Variants in DCLK2 observed in about 807,000 individuals in gnomAD.
DCLK2 encodes doublecortin like kinase 2.
A neutral mutation model predicts 78.4 loss-of-function variants in DCLK2; 31 were observed. The observed-to-expected ratio is 0.40, with a 90% CI of 0.30 to 0.53. DCLK2 has a LOEUF of 0.53. DCLK2 is among the 20% of genes least tolerant of loss of function. DCLK2 has a pLI of 0.61. For synonymous variants in DCLK2, 407 were observed against 374.9 expected, an observed-to-expected ratio of 1.09 and a Z score of -0.99; for missense variants, 872 against 973.7, an observed-to-expected ratio of 0.90 and a Z score of 1.39.
chr4:150,234,550 C>T (rs536676050), intron 10 of DCLK2, among the ~76,000 whole-genome samples: 1 of 152,340 alleles, frequency 6.6e-6, no homozygotes, highest in African/African-American at 2.4e-5. Flanking sequence ...TGCACAGCAT[C>T]TGAAGCCATC....
intron 2 of DCLK2, among the ~76,000 whole-genome samples, chr4:150,117,529 G>A (rs777175037): frequency 2.0e-5 from 3 of 152,092 alleles, no homozygotes; most frequent in Admixed American, 6.5e-5. Flanking sequence ...AGATTATATC[G>A]CAGATCTCAG....
At chr4:150,182,713 GTAACA>G (rs1737622361) in intron 2 of DCLK2, among the ~76,000 whole-genome samples, 3 of 152,024 alleles carry the variant, frequency 2.0e-5, no homozygotes, top group Admixed American at 2.0e-4. Context: ...TTTATGACTT[GTAACA>G]TGACCATTTC....
chr4:150,247,813 G>A (rs1054312662), intron 13 of DCLK2, 114 bp downstream of exon 13: 4 of 777,848 alleles, frequency 5.1e-6, no homozygotes, highest in Middle Eastern at 3.9e-4. Context: ...GGCTTTTAAT[G>A]TGTGGTTCTT....
intron 2 of DCLK2, among the ~76,000 whole-genome samples, chr4:150,182,260 T>C (rs867627715): frequency 6.6e-6 from 1 of 152,172 alleles, no homozygotes; most frequent in South Asian, 2.1e-4. Context: ...TTGCCCAGGC[T>C]GGTCTTGAGC....
chr4:150,078,985 C>G lies in DCLK2; in HGVS notation c.-43C>G, dbSNP rs1263983330. 1.3e-6 allele frequency: 2 copies of G among 1,498,470 alleles called. No individual in the cohort carries two copies. Among genetic ancestry groups the G allele is most frequent in the African/African-American group, 1.4e-5 (1 of 70,232 alleles). 92.8% of individuals were successfully genotyped at this position (1,498,470 alleles called of 1,614,324 possible). ...CTGCACCGGCGCTCGCACCCTTAGT[C>G]GGCCCGGAACGTCTTTTTGCGGACG... On this transcript the variant is annotated 5_prime_UTR_variant, in exon 1 of 16. Transcript: ENST00000296550.
chr4:150,125,946 A>G (rs1377169634), intron 2 of DCLK2, among the ~76,000 whole-genome samples: 1 of 141,548 alleles, frequency 7.1e-6, no homozygotes, highest in African/African-American at 2.8e-5. Flanking sequence ...AGACAATACT[A>G]TAAAATAATA....
chr4:150,081,333 C>T (rs1413676583), intron 1 of DCLK2, among the ~76,000 whole-genome samples: 2 of 152,134 alleles, frequency 1.3e-5, no homozygotes, highest in African/African-American at 4.8e-5. Context: ...CTTTTACCGC[C>T]CACCGCATGC....
At chr4:150,088,188 G>A (rs765586905) in intron 1 of DCLK2, among the ~76,000 whole-genome samples, 4 of 152,080 alleles carry the variant, frequency 2.6e-5, no homozygotes, top group Non-Finnish European at 4.4e-5. Context: ...GAAAAAAGGC[G>A]TTCTAGAAAC....
intron 2 of DCLK2, among the ~76,000 whole-genome samples, chr4:150,169,004 A>G (rs772242458): frequency 4.6e-5 from 7 of 151,962 alleles, no homozygotes; most frequent in Non-Finnish European, 7.4e-5. Flanking sequence ...TTAATACTAC[A>G]AAGTTCTGCC....
rs993230695 is a variant in DCLK2 at position 150,106,711 on chromosome 4, T to G, written c.756+3899T>G. 2.6e-5 allele frequency among the ~76,000 whole-genome samples: 4 copies of G among 152,306 alleles called. No homozygotes were observed. In the South Asian group the frequency reaches 8.3e-4, roughly 32 times the overall value. ...TAAGGGGCTGGTTATCCTTTGAGTT[T>G]GAACATGTTTCTGATTGAAGACATG... On this transcript the variant is annotated intron_variant, in intron 2 of 15. Transcript: ENST00000296550.
At chr4:150,140,224 T>A (rs1363576460) in intron 2 of DCLK2, among the ~76,000 whole-genome samples, 2 of 152,230 alleles carry the variant, frequency 1.3e-5, no homozygotes, top group African/African-American at 4.8e-5. Flanking sequence ...ATTTGTTAGC[T>A]TATCTTCTTT....
chr4:150,096,830 C>T (rs901471247), intron 1 of DCLK2, among the ~76,000 whole-genome samples: 4 of 151,868 alleles, frequency 2.6e-5, no homozygotes, highest in African/African-American at 7.3e-5. Context: ...AAAGAGTGGG[C>T]GATGAAGTGG....
chr4:150,079,021 A>T lies in DCLK2; in HGVS notation c.-7A>T. 3 of 1,525,468 alleles carry T rather than the reference A, an allele frequency of 2.0e-6. No homozygotes were observed. Among genetic ancestry groups the T allele is most frequent in the Non-Finnish European group, 1.8e-6 (2 of 1,141,082 alleles). The allele number at this position is 1,525,468 out of a possible 1,614,324, so 94.5% of individuals were successfully genotyped here. The stretch of plus-strand genomic sequence containing the variant: ...GTCTTTTTGCGGACGCCCTCGGAGC[A>T]GCCGCGATGGCCAGCACCAGGAGTA... On this transcript the variant is annotated 5_prime_UTR_variant, in exon 1 of 16. Transcript: ENST00000296550.
chr4:150,194,030 C>G (rs1738674784), intron 3 of DCLK2, among the ~76,000 whole-genome samples: 1 of 74,244 alleles, frequency 1.3e-5, no homozygotes, highest in Non-Finnish European at 3.3e-5. Flanking sequence ...GGGACACACA[C>G]ACACACACAC....
intron 12 of DCLK2, among the ~76,000 whole-genome samples, chr4:150,241,418 C>T (rs1287300270): frequency 2.0e-5 from 3 of 152,172 alleles, no homozygotes; most frequent in Non-Finnish European, 4.4e-5. Flanking sequence ...CCCTCTGGAG[C>T]AAATGAATTA....
chr4:150,192,429 G>GAAATCGCA lies in DCLK2; in HGVS notation c.757-708_757-701dup. Reference sequence around the variant, plus strand: ...TGGGAGATGGAGATTGCAGTGAGCCGAAATCGCACCACTGCACTCCAGCCT... The same window carrying GAAATCGCA: ...TGGGAGATGGAGATTGCAGTGAGCCGAAATCGCAAAATCGCACCACTGCACTCCAGCCT... On this transcript the variant is annotated intron_variant, in intron 2 of 15. Coordinates refer to ENST00000296550, the MANE Select transcript of DCLK2 (RefSeq NM_001040260.4). 2.3e-5 allele frequency among the ~76,000 whole-genome samples: 3 copies of GAAATCGCA among 130,032 alleles called. No homozygotes were observed. The South Asian group carries it at 7.2e-4, about 31-fold the overall frequency. The allele number at this position is 130,032 out of a possible 152,430, so 85.3% of individuals were successfully genotyped here.
intron 4 of DCLK2, among the ~76,000 whole-genome samples, 158 bp from the exon 5 acceptor site, chr4:150,203,637 C>T (rs1160570175): frequency 7.4e-6 from 1 of 134,368 alleles, no homozygotes; most frequent in African/African-American, 2.8e-5. Flanking sequence ...CAGTAAGATA[C>T]ATTATTTTTG....
intron 12 of DCLK2, among the ~76,000 whole-genome samples, chr4:150,246,700 G>T (rs1192113611): frequency 6.6e-6 from 1 of 152,142 alleles, no homozygotes; most frequent in Non-Finnish European, 1.5e-5. Context: ...TGGAGGTGAG[G>T]TTATATGGGA....
chr4:150,117,628 T>A (rs1321308289), intron 2 of DCLK2, among the ~76,000 whole-genome samples: 2 of 152,140 alleles, frequency 1.3e-5, no homozygotes, highest in Non-Finnish European at 2.9e-5. Context: ...AGAAATGGCT[T>A]CCCTCCATCC....
Sources: gnomAD v4.1 joint callset for allele counts (sites outside exome capture counted in the v4.1 genomes callset) on GRCh38, gnomAD v4.1.1 for gene constraint, MANE v1.5 for transcripts, NCBI Gene and HGNC (gene_info 2026-07-23, HGNC 2026-07-21) for gene names.